Variants in MTREX observed in about 807,000 individuals in gnomAD.
MTREX encodes the protein Mtr4 exosome RNA helicase, also known as exosome RNA helicase MTR4.
MTREX carries 76 observed loss-of-function variants against 135.4 expected under a neutral mutation model. The ratio of observed to expected loss-of-function variants is 0.56; its 90% CI spans 0.47 to 0.68. The LOEUF (loss-of-function observed/expected upper bound fraction) is 0.68. Ranked by LOEUF, MTREX falls within the 30% of genes least tolerant of loss-of-function variation. The pLI is 0.00. For missense variants in MTREX, 920 were observed against 1,262.1 expected (o/e 0.73, Z 4.11); for synonymous variants, 404 against 401.6 (o/e 1.01, Z -0.07).
At chr5:55,416,203 A>C (rs1409498794) in intron 25 of MTREX, 71 bp downstream of exon 25, 2 of 949,050 alleles carry the variant, frequency 2.1e-6, no homozygotes, top group Non-Finnish European at 1.5e-6. Flanking sequence ...GTTTTAATTA[A>C]ACAAGTATAA....
chr5:55,405,523 G>T lies in MTREX; in HGVS notation c.2580G>T (p.Arg860Ser). 1 of 1,613,892 alleles carries T rather than the reference G, an allele frequency of 6.2e-7. No homozygotes were observed. Among genetic ancestry groups the T allele is most frequent in the Non-Finnish European group, 8.5e-7 (1 of 1,179,806 alleles). The change falls in exon 22 of 27, where the codon AGG becomes AGT. Residue 860 changes from arginine (R) to serine (S), a missense_variant. Physicochemically the swap from Arg to Ser is moderately radical, Grantham distance 110. Transcript: ENST00000230640. ...AATGTCGCAAACGTGTTTTAAGAAG[G>T]TTGGGATTTGCTACTTCTTCTGATG... is the stretch of plus-strand genomic sequence containing the variant. ...ELKCRKRVLR[R>S]LGFATSSDVI... is the part of the protein sequence containing the mutation.
At chr5:55,325,910 A>G (rs573584200) in intron 3 of MTREX, among the ~76,000 whole-genome samples, 5 of 152,270 alleles carry the variant, frequency 3.3e-5, no homozygotes, top group African/African-American at 1.2e-4. Context: ...AATCAGGATG[A>G]TGGCCTCCAG....
At chr5:55,386,439 C>CA (rs1750483236) in intron 18 of MTREX, among the ~76,000 whole-genome samples, 1 of 151,990 alleles carries the variant, frequency 6.6e-6, no homozygotes. Context: ...TTACAGAGTG[C>CA]AAAACTAGAG....
chr5:55,333,506 C>T (rs56009476), intron 5 of MTREX, among the ~76,000 whole-genome samples: 38 of 152,156 alleles, frequency 2.5e-4, no homozygotes, highest in Non-Finnish European at 4.4e-4. Flanking sequence ...TTAGTGTAAC[C>T]TTGCTTTCAT....
chr5:55,424,349 TGGTC>T (rs1751111755), intron 26 of MTREX: 1 of 157,268 alleles, frequency 6.4e-6, no homozygotes, highest in Admixed American at 6.3e-5. Context: ...TTCTCCATGT[TGGTC>T]GGGCTGCTCT....
At chr5:55,359,166 CA>C (rs1445982421) in intron 15 of MTREX, among the ~76,000 whole-genome samples, 1 of 152,174 alleles carries the variant, frequency 6.6e-6, no homozygotes, top group East Asian at 1.9e-4. Flanking sequence ...ATATCCCAAT[CA>C]AAAAGGACAC....
chr5:55,394,353 A>G (rs1253747413), intron 19 of MTREX, among the ~76,000 whole-genome samples: 1 of 152,224 alleles, frequency 6.6e-6, no homozygotes, highest in Non-Finnish European at 1.5e-5. Context: ...CCAAGACCCA[A>G]TGCAGCTTAC....
intron 19 of MTREX, among the ~76,000 whole-genome samples, chr5:55,392,541 TAAA>T (rs34486683): frequency 6.1e-4 from 70 of 114,498 alleles, no homozygotes; most frequent in Admixed American, 5.5e-4. Context: ...GGGCTCTGTC[TAAA>T]AAAAAAAAAA....
chr5:55,377,422 C>T (rs1320100558), intron 16 of MTREX, among the ~76,000 whole-genome samples: 2 of 152,166 alleles, frequency 1.3e-5, no homozygotes, highest in Non-Finnish European at 2.9e-5. Flanking sequence ...AAGCTCAAAA[C>T]AGTTATATCC....
chr5:55,340,867 C>T (rs1749637715), intron 6 of MTREX, among the ~76,000 whole-genome samples: 2 of 152,188 alleles, frequency 1.3e-5, no homozygotes, highest in Non-Finnish European at 2.9e-5. Context: ...ACATGTGAGC[C>T]AACCGCACCC....
chr5:55,387,978 A>T lies in MTREX; in HGVS notation c.2057A>T (p.Asn686Ile). Residue 686 changes from asparagine (N) to isoleucine (I), a missense_variant, in exon 19 of 27, where the codon AAC (asparagine) becomes ATC (isoleucine). Physicochemically the swap from Asn to Ile is moderately radical, Grantham distance 149. Transcript: ENST00000230640. ...ATCTTCTGTTTTGTTTTTTAGCCTA[A>T]CTCTGGTGAACTGGATCCTTTGTAT... is the stretch of plus-strand genomic sequence containing the variant. ...NFSKKSNVKP[N>I]SGELDPLYVV... is the part of the protein sequence containing the mutation. 1 of 1,581,602 alleles carries T rather than the reference A, an allele frequency of 6.3e-7. No homozygotes were observed. The highest frequency in any genetic ancestry group is 8.6e-7 in the Non-Finnish European group (1 of 1,158,362).
chr5:55,333,463 C>A (rs1192827830), intron 5 of MTREX, among the ~76,000 whole-genome samples: 1 of 152,100 alleles, frequency 6.6e-6, no homozygotes, highest in Admixed American at 6.6e-5. Flanking sequence ...GCATTTAAAG[C>A]CAGCATATGT....
At chr5:55,312,437 G>T (rs190805261) in intron 1 of MTREX, among the ~76,000 whole-genome samples, 23 of 151,132 alleles carry the variant, frequency 1.5e-4, no homozygotes, top group African/African-American at 5.3e-4. Context: ...TCTTATTGGG[G>T]TATAACTGAA....
At chr5:55,390,631 C>A (rs1397920139) in intron 19 of MTREX, among the ~76,000 whole-genome samples, 1 of 152,138 alleles carries the variant, frequency 6.6e-6, no homozygotes, top group Non-Finnish European at 1.5e-5. Context: ...TTCCCCTTAT[C>A]ATGGCCACGT....
At chr5:55,351,333 G>A (rs933073953) in intron 13 of MTREX, among the ~76,000 whole-genome samples, 2 of 152,110 alleles carry the variant, frequency 1.3e-5, no homozygotes, top group Non-Finnish European at 2.9e-5. Flanking sequence ...GGGAGTTCGA[G>A]ACCAGCCTGA....
chr5:55,380,173 C>T (rs369991508), intron 18 of MTREX, among the ~76,000 whole-genome samples: 170 of 152,174 alleles, frequency 1.1e-3, no homozygotes, highest in African/African-American at 4.0e-3. Flanking sequence ...AACTCCTGAC[C>T]TTGTGATCTG....
At chr5:55,327,903 A>G (rs1749409598) in intron 4 of MTREX, 125 bp downstream of exon 4, 1 of 630,646 alleles carries the variant, frequency 1.6e-6, no homozygotes, top group Admixed American at 2.9e-5. Context: ...GAACAAGCCA[A>G]CTAAAGACAA....
At chr5:55,366,039 AT>A (rs1310457701) in intron 15 of MTREX, among the ~76,000 whole-genome samples, 3 of 152,026 alleles carry the variant, frequency 2.0e-5, no homozygotes, top group Admixed American at 2.0e-4. Flanking sequence ...AGAGAAGTTT[AT>A]GTGTGAAGGA....
At chr5:55,322,252 A>G in intron 1 of MTREX, 75 bp from the exon 2 acceptor site, 2 of 1,276,036 alleles carry the variant, frequency 1.6e-6, no homozygotes, top group Non-Finnish European at 1.1e-6. Context: ...AATGGTATAG[A>G]GCAGTATTTT....
Sources: gnomAD v4.1 joint callset for allele counts (sites outside exome capture counted in the v4.1 genomes callset) on GRCh38, gnomAD v4.1.1 for gene constraint, MANE v1.5 for transcripts, NCBI Gene and HGNC (gene_info 2026-07-23, HGNC 2026-07-21) for gene names.